The following PTPRA variants were observed in gnomAD, a reference collection of about 807,000 sequenced individuals.
PTPRA encodes the protein protein tyrosine phosphatase receptor type A, also known as receptor-type tyrosine-protein phosphatase alpha.
A neutral mutation model predicts 104.8 loss-of-function variants in PTPRA; 25 were observed. The observed-to-expected ratio is 0.24, with a 90% CI of 0.17 to 0.33. The LOEUF is 0.33. Among genes scored for constraint, PTPRA ranks in the 10% least tolerant of loss-of-function variants. The pLI, the probability that PTPRA is intolerant of heterozygous loss-of-function variation, is 1.00. For missense variants in PTPRA, 765 were observed against 1,015.3 expected (o/e 0.75, Z 3.35); for synonymous variants, 323 against 368.9 (o/e 0.88, Z 1.43).
At chr20:2,874,075 C>T (rs1189967918) in intron 1 of PTPRA, among the ~76,000 whole-genome samples, 1 of 152,118 alleles carries the variant, frequency 6.6e-6, no homozygotes, top group Non-Finnish European at 1.5e-5. Flanking sequence ...CTTAGAACGG[C>T]GAGAACAGAA....
chr20:2,932,794 G>A (rs1359770819), intron 2 of PTPRA, among the ~76,000 whole-genome samples: 1 of 152,228 alleles, frequency 6.6e-6, no homozygotes, highest in African/African-American at 2.4e-5. Context: ...CAGATGGTAA[G>A]TATAATCCAG....
chr20:2,958,845 A>AT (rs200561886), intron 3 of PTPRA, among the ~76,000 whole-genome samples: 1 of 126,562 alleles, frequency 7.9e-6, no homozygotes, highest in African/African-American at 3.3e-5. Flanking sequence ...AGACTGTATC[A>AT]AAAAAAAAAA....
intron 9 of PTPRA, among the ~76,000 whole-genome samples, chr20:2,998,217 T>G (rs2063482783): frequency 7.1e-6 from 1 of 141,498 alleles, no homozygotes; most frequent in African/African-American, 2.6e-5. Context: ...CTGAGAGGAA[T>G]GGGATAGGAG....
chr20:2,945,622 A>T (rs2061099234), intron 2 of PTPRA, among the ~76,000 whole-genome samples: 1 of 149,978 alleles, frequency 6.7e-6, no homozygotes, highest in South Asian at 2.1e-4. Context: ...TAAATAAATA[A>T]ATATTTATTT....
intron 2 of PTPRA, among the ~76,000 whole-genome samples, chr20:2,945,589 G>A (rs201470374): frequency 0.079 from 2,275 of 28,742 alleles, 116 homozygotes; most frequent in East Asian, 0.46. Flanking sequence ...GCAGGTGTGT[G>A]TGTGTGTGTG....
chr20:2,991,562 T>C (rs1334931596), intron 9 of PTPRA, among the ~76,000 whole-genome samples: 1 of 152,206 alleles, frequency 6.6e-6, no homozygotes, highest in Non-Finnish European at 1.5e-5. Context: ...ACATTAAATT[T>C]ACATAAGCAT....
chr20:2,870,590 T>C (rs2089416192), upstream of PTPRA, among the ~76,000 whole-genome samples: 1 of 152,262 alleles, frequency 6.6e-6, no homozygotes, highest in South Asian at 2.1e-4. Context: ...CCCTGCTGTG[T>C]CCAGCACATG....
chr20:2,890,166 G>A (rs1006134767), intron 1 of PTPRA, among the ~76,000 whole-genome samples: 1 of 151,824 alleles, frequency 6.6e-6, no homozygotes, highest in Non-Finnish European at 1.5e-5. Flanking sequence ...CCAAGTGCTG[G>A]GATTACAGGC....
intron 20 of PTPRA, among the ~76,000 whole-genome samples, chr20:3,032,960 C>T (rs1307441204): frequency 1.3e-5 from 2 of 151,592 alleles, no homozygotes; most frequent in Non-Finnish European, 2.9e-5. Context: ...TCAGTACCTC[C>T]CTCCTCTTCC....
At chr20:2,864,897 G>T in the PTPRA span, 7 of 1,582,696 alleles carry the variant, frequency 4.4e-6, no homozygotes, top group Non-Finnish European at 5.2e-6. The surrounding 1 kb of genome is among the most constrained non-coding windows in gnomAD (Gnocchi z 5.2). Context: ...GCACAGGGAT[G>T]GGGGAGAAGA....
chr20:3,029,156 T>TTTGC (rs2065296493), intron 20 of PTPRA, among the ~76,000 whole-genome samples: 1 of 148,900 alleles, frequency 6.7e-6, no homozygotes, highest in Non-Finnish European at 1.5e-5. Flanking sequence ...TGTTTGTTTG[T>TTTGC]TTGAGAGAGG....
Position 3,038,226 on chromosome 20 carries a change from A to G in PTPRA, c.*93A>G. The G allele has an allele frequency of 7.9e-7, 1 of 1,261,904 alleles. No individual in the cohort carries two copies. The highest frequency in any genetic ancestry group is 1.1e-6 in the Non-Finnish European group (1 of 883,984). 78.2% of individuals were successfully genotyped at this position (1,261,904 alleles called of 1,614,324 possible). A position where few individuals can be genotyped will look rare whatever the true frequency, so the allele number is the denominator to read the frequency against. On this transcript the variant is annotated 3_prime_UTR_variant, in exon 24 of 24. Coordinates refer to ENST00000399903, the MANE Select transcript of PTPRA (RefSeq NM_001385305.1). Reference sequence around the variant, plus strand: ...ATACCCCAAATTGTGTATATATCTTATAACTGTTTTAGAAATTGGTACATA... The same window carrying G: ...ATACCCCAAATTGTGTATATATCTTGTAACTGTTTTAGAAATTGGTACATA...
intron 2 of PTPRA, among the ~76,000 whole-genome samples, chr20:2,938,512 A>AT (rs892978123): frequency 5.4e-5 from 8 of 148,834 alleles, no homozygotes; most frequent in Non-Finnish European, 6.0e-5. Flanking sequence ...TATTTCTTAA[A>AT]TTTTTTTTTT....
rs1600131892 is a variant in PTPRA, at chr20:2,931,671, T to A, written c.-50+8386T>A. On this transcript the variant is annotated intron_variant, in intron 2 of 23. Coordinates refer to ENST00000399903, the MANE Select transcript of PTPRA (RefSeq NM_001385305.1). ...CTGGAACAAATGTGGCATTGCTTAC[T>A]TACTTCCTTTGCCATGAACTCAGTG... Among the ~76,000 whole-genome samples, 6 of 152,188 alleles carry A rather than the reference T, an allele frequency of 3.9e-5. No individual in the cohort carries two copies. The South Asian group carries it at 1.2e-3, about 32-fold the overall frequency.
chr20:3,037,141 T>C lies in PTPRA; in HGVS notation c.2199-13T>C. ...CCATCACAGGTGTGGTAAATGTGTCTGCTCTGTTGCAGCGCCGGGGCAGGA... is the reference window on the plus strand; with the variant it reads ...CCATCACAGGTGTGGTAAATGTGTCCGCTCTGTTGCAGCGCCGGGGCAGGA... On this transcript the variant is annotated splice_polypyrimidine_tract_variant and intron_variant, in intron 22 of 23. Transcript: ENST00000399903. This position sits in a 1 kb window ranked among gnomAD's most constrained non-coding sequence, Gnocchi z 4.3. The C allele has an allele frequency of 1.2e-6, 2 of 1,613,006 alleles. No individual in the cohort carries two copies. The highest frequency in any genetic ancestry group is 1.7e-6 in the Non-Finnish European group (2 of 1,179,350).
chr20:2,866,604 G>C, the PTPRA span: 1 of 1,611,662 alleles, frequency 6.2e-7, no homozygotes, highest in Non-Finnish European at 8.5e-7. Context: ...TCAAGCAAGG[G>C]GTTCCTCCCC....
intron 11 of PTPRA, among the ~76,000 whole-genome samples, chr20:3,010,454 C>T (rs891643020): frequency 2.0e-5 from 3 of 151,808 alleles, no homozygotes; most frequent in Non-Finnish European, 4.4e-5. Context: ...CGGTGAAACC[C>T]CGTCTCTACT....
chr20:2,879,820 T>A (rs1281345100), intron 1 of PTPRA, among the ~76,000 whole-genome samples: 2 of 152,248 alleles, frequency 1.3e-5, no homozygotes, highest in African/African-American at 4.8e-5. Flanking sequence ...CTAGGAGCAG[T>A]AGGCTATACA....
In PTPRA at chr20:3,035,231, C is replaced by T. The variant is rs995245525; in HGVS notation, c.1921-354C>T. On this transcript the variant is annotated intron_variant, in intron 20 of 23. Transcript: ENST00000399903. This position sits in a 1 kb window ranked among gnomAD's most constrained non-coding sequence, Gnocchi z 5.8. ...CTGATTTTCTGAATTAGCAGTCTGG[C>T]GGATGTAAGCAGCATTAAATATGAA... 3.9e-5 allele frequency among the ~76,000 whole-genome samples: 6 copies of T among 151,964 alleles called. No individual in the cohort carries two copies. Among genetic ancestry groups the T allele is most frequent in the African/African-American group, 1.5e-4 (6 of 41,356 alleles).
Sources: allele counts gnomAD v4.1 joint callset (sites outside exome capture counted in the v4.1 genomes callset), GRCh38; gene constraint gnomAD v4.1.1; non-coding constraint Gnocchi (gnomAD v3.1); transcripts MANE v1.5; gene names NCBI Gene and HGNC (gene_info 2026-07-23, HGNC 2026-07-21).